Variants in MYO6 observed in about 807,000 individuals in gnomAD.
The protein encoded by MYO6 is unconventional myosin-VI.
MYO6 carries 74 observed loss-of-function variants against 178.7 expected under a neutral mutation model. That is an observed-to-expected ratio of 0.41 (90% confidence interval 0.34 to 0.50). MYO6 has a LOEUF of 0.50. MYO6 is among the 20% of genes least tolerant of loss of function. The probability of loss-of-function intolerance (pLI) is 0.09; values close to 1 mark genes in which losing one functional copy is unlikely to be tolerated. For synonymous variants in MYO6, 477 were observed against 504.6 expected, an observed-to-expected ratio of 0.95 and a Z score of 0.73; for missense variants, 1,330 against 1,547.4, an observed-to-expected ratio of 0.86 and a Z score of 2.36.
intron 1 of MYO6, among the ~76,000 whole-genome samples, chr6:75,799,034 A>G (rs965026870): frequency 1.3e-5 from 2 of 152,208 alleles, no homozygotes; most frequent in Non-Finnish European, 2.9e-5. Flanking sequence ...GAAATACTTA[A>G]AAATATAGCT....
At chr6:75,844,687 G>T (rs554505393) in intron 9 of MYO6, among the ~76,000 whole-genome samples, 2 of 152,104 alleles carry the variant, frequency 1.3e-5, no homozygotes, top group African/African-American at 4.8e-5. Context: ...TATGCTCAGA[G>T]ATTAGGATTT....
At position 75,867,014 on chromosome 6, in the gene MYO6, G is replaced by A. The variant is rs777201018; in HGVS notation, c.1853G>A (p.Arg618Gln). The stretch of plus-strand genomic sequence containing the variant: ...TGTGAATCCAGAGATAAGTTTATAC[G>A]GGAATTATTTGAATCATCCACAAAT... The part of the protein sequence containing the change: ...LICESRDKFI[R>Q]ELFESSTNNN... The change falls in exon 18 of 35, where the codon CGG becomes CAG. Residue 618 changes from arginine (R) to glutamine (Q), a missense_variant. Physicochemically the swap from Arg to Gln is conservative, Grantham distance 43 (BLOSUM62 1). Transcript: ENST00000369977. 78 of 1,613,374 alleles carry A rather than the reference G, an allele frequency of 4.8e-5. No homozygotes were observed. Among genetic ancestry groups the A allele is most frequent in the Non-Finnish European group, 6.4e-5 (75 of 1,179,550 alleles).
At chr6:75,830,354 T>C in intron 4 of MYO6, 62 bp from the exon 5 acceptor site, 2 of 1,490,984 alleles carry the variant, frequency 1.3e-6, no homozygotes, top group Admixed American at 1.7e-5. Flanking sequence ...TCTATGAGCT[T>C]TGTTTATCTT....
intron 30 of MYO6, among the ~76,000 whole-genome samples, chr6:75,904,943 A>C (rs536858131): frequency 6.6e-6 from 1 of 151,468 alleles, no homozygotes; most frequent in Non-Finnish European, 1.5e-5. Context: ...TTTTCCTTCT[A>C]CAGACAGGAC....
intron 1 of MYO6, among the ~76,000 whole-genome samples, chr6:75,766,062 C>T (rs958694807): frequency 6.6e-6 from 1 of 152,116 alleles, no homozygotes; most frequent in Admixed American, 6.6e-5. Context: ...GTGGCTCACA[C>T]CTGTAATCCC....
At chr6:75,895,447 T>G (rs542589364) in intron 29 of MYO6, among the ~76,000 whole-genome samples, 187 bp downstream of exon 29, 41 of 152,248 alleles carry the variant, frequency 2.7e-4, no homozygotes, top group African/African-American at 7.5e-4. Flanking sequence ...AGCTCATGAT[T>G]TGGTTTCCTT....
intron 1 of MYO6, among the ~76,000 whole-genome samples, chr6:75,791,123 G>C (rs1768192975): frequency 6.6e-6 from 1 of 151,892 alleles, no homozygotes. Flanking sequence ...TAGTAGAGAT[G>C]GGGGTTTCAC....
At chr6:75,830,617 G>A in intron 5 of MYO6, 72 bp downstream of exon 5, 12 of 1,423,818 alleles carry the variant, frequency 8.4e-6, no homozygotes, top group Non-Finnish European at 1.1e-5. Flanking sequence ...TTTTTCTTTT[G>A]GATTAATAAA....
At chr6:75,864,094 CAGG>C in intron 16 of MYO6, among the ~76,000 whole-genome samples, 1 of 152,148 alleles carries the variant, frequency 6.6e-6, no homozygotes, top group South Asian at 2.1e-4. Flanking sequence ...CAACAACAAA[CAGG>C]AGAGTGAAAA....
chr6:75,757,084 T>C (rs1440624403), intron 1 of MYO6, among the ~76,000 whole-genome samples: 2 of 146,864 alleles, frequency 1.4e-5, no homozygotes, highest in Non-Finnish European at 3.0e-5. Context: ...TGTGTATATA[T>C]ATGTATACGC....
At chr6:75,903,824 G>A (rs1433460968) in intron 30 of MYO6, among the ~76,000 whole-genome samples, 5 of 151,820 alleles carry the variant, frequency 3.3e-5, no homozygotes, top group African/African-American at 1.2e-4. Context: ...TCCTAGTCTC[G>A]ATGGTCTTTA....
At chr6:75,817,442 T>C (rs1247337345) in intron 1 of MYO6, 59 bp from the exon 2 acceptor site, 2 of 915,338 alleles carry the variant, frequency 2.2e-6, no homozygotes, top group Non-Finnish European at 1.8e-6. Context: ...AGATACATTA[T>C]TTGTTTTATA....
chr6:75,873,292 A>G lies in MYO6; in HGVS notation c.2069A>G (p.Gln690Arg), dbSNP rs540531731. 5.6e-6 allele frequency: 9 copies of G among 1,611,584 alleles called. No individual in the cohort carries two copies. Among genetic ancestry groups the G allele is most frequent in the Admixed American group, 3.3e-5 (2 of 60,016 alleles). Residue 690 changes from glutamine to arginine, a missense_variant, in exon 20 of 35, where the codon CAG becomes CGG. By Grantham distance (43) the Gln-to-Arg change is conservative. This residue lies in a region of MYO6 where 613 missense variants were observed against 816.8 expected (regional missense o/e 0.75). Coordinates refer to ENST00000369977, the MANE Select transcript of MYO6 (RefSeq NM_004999.4). ...GGTGCTCAAATTCTGTCTCAGCTTC[A>G]GTGTTCAGGTATTTTCATAATCTCT... ...FEGAQILSQL[Q>R]CSGMVSVLDL... is the part of the protein sequence containing the mutation.
intron 1 of MYO6, among the ~76,000 whole-genome samples, chr6:75,816,261 A>G (rs915327132): frequency 3.3e-5 from 5 of 152,250 alleles, no homozygotes; most frequent in African/African-American, 9.6e-5. Context: ...TACATACTGT[A>G]TGATGTCACT....
intron 11 of MYO6, among the ~76,000 whole-genome samples, chr6:75,853,193 A>G (rs999503463): frequency 1.3e-5 from 2 of 152,094 alleles, no homozygotes; most frequent in Admixed American, 1.3e-4. Context: ...TTGTCTTTTT[A>G]TTACCAAGTT....
intron 9 of MYO6, among the ~76,000 whole-genome samples, chr6:75,841,697 G>GA (rs951871796): frequency 2.0e-5 from 3 of 151,520 alleles, no homozygotes; most frequent in Non-Finnish European, 3.0e-5. Context: ...CTATCTCAAA[G>GA]AAAAAAAAAT....
chr6:75,904,804 C>G (rs1428577018), intron 30 of MYO6, among the ~76,000 whole-genome samples: 1 of 152,186 alleles, frequency 6.6e-6, no homozygotes, highest in Non-Finnish European at 1.5e-5. Context: ...GAGAGGCGCT[C>G]TGCTTTTTAG....
At chr6:75,857,470 C>T (rs369623540) in intron 13 of MYO6, among the ~76,000 whole-genome samples, 8 of 151,980 alleles carry the variant, frequency 5.3e-5, no homozygotes, top group Non-Finnish European at 1.2e-4. Context: ...GATACTAATG[C>T]TAAAATTAAA....
At chr6:75,828,441 A>C in intron 3 of MYO6, 99 bp from the exon 4 acceptor site, 1 of 773,126 alleles carries the variant, frequency 1.3e-6, no homozygotes, top group South Asian at 1.5e-5. Context: ...CTAACAATTG[A>C]TTTTTAGGAT....
Sources: allele counts gnomAD v4.1 joint callset (sites outside exome capture counted in the v4.1 genomes callset), GRCh38; gene constraint gnomAD v4.1.1; regional missense constraint gnomAD v4.1.1; transcripts MANE v1.5; gene names NCBI Gene and HGNC (gene_info 2026-07-23, HGNC 2026-07-21).